The following PPP1R12B variants were observed in gnomAD, a reference collection of about 807,000 sequenced individuals.
PPP1R12B encodes the protein myosin phosphatase target subunit 2.
Under a neutral mutation model 126.1 loss-of-function variants are expected in PPP1R12B, and 76 were observed. The observed-to-expected ratio is 0.60, with a 90% CI of 0.50 to 0.73. The LOEUF is 0.73. Ranked by LOEUF, PPP1R12B falls within the 30% of genes least tolerant of loss-of-function variation. PPP1R12B has a pLI of 0.00. For missense variants in PPP1R12B, 1,052 were observed against 1,205.1 expected (o/e 0.87, Z 1.88); for synonymous variants, 356 against 434.7 (o/e 0.82, Z 2.25).
chr1:202,562,605 C>G (rs1687637312), intron 19 of PPP1R12B, 173 bp from the exon 20 acceptor site: 1 of 811,946 alleles, frequency 1.2e-6, no homozygotes, highest in South Asian at 1.3e-5. Context: ...GCAGTTTAGC[C>G]CTGAGGTCTG....
chr1:202,554,421 C>G (rs1302341456), intron 18 of PPP1R12B, among the ~76,000 whole-genome samples: 2 of 152,124 alleles, frequency 1.3e-5, no homozygotes, highest in Admixed American at 1.3e-4. Flanking sequence ...GTTACTCCTA[C>G]TGCATCCAAA....
intron 20 of PPP1R12B, among the ~76,000 whole-genome samples, chr1:202,563,641 A>AG (rs1427207753): frequency 5.3e-4 from 80 of 151,896 alleles, no homozygotes; most frequent in Admixed American, 3.9e-4. Flanking sequence ...AAAAAAAAAA[A>AG]AAAGAAAAGA....
chr1:202,531,755 A>G (rs993521535), intron 18 of PPP1R12B, among the ~76,000 whole-genome samples: 6 of 152,140 alleles, frequency 3.9e-5, no homozygotes, highest in African/African-American at 1.4e-4. Flanking sequence ...AACCTACCAA[A>G]AAATTGATTT....
intron 1 of PPP1R12B, among the ~76,000 whole-genome samples, chr1:202,366,763 G>C (rs183271054): frequency 7.5e-4 from 114 of 152,174 alleles, no homozygotes; most frequent in African/African-American, 2.6e-3. Flanking sequence ...GGTGCTATTA[G>C]AGCAAATTAA....
intron 13 of PPP1R12B, among the ~76,000 whole-genome samples, chr1:202,487,969 T>C (rs974992715): frequency 1.7e-4 from 26 of 152,164 alleles, no homozygotes; most frequent in Non-Finnish European, 3.4e-4. Context: ...ATAAATACTA[T>C]TTTTTCCTAT....
chr1:202,432,510 A>G (rs1186508968), intron 8 of PPP1R12B, among the ~76,000 whole-genome samples: 94 of 152,176 alleles, frequency 6.2e-4, no homozygotes, highest in African/African-American at 2.1e-3. Context: ...CAAGTGATCC[A>G]CCTGCCTTGG....
chr1:202,567,910 A>G (rs1688212882), intron 22 of PPP1R12B, 79 bp downstream of exon 22: 5 of 1,522,808 alleles, frequency 3.3e-6, no homozygotes, highest in East Asian at 2.3e-5. Flanking sequence ...ATTCATGCCA[A>G]TGGAAAAAGT....
intron 1 of PPP1R12B, among the ~76,000 whole-genome samples, chr1:202,361,651 C>T (rs1358384511): frequency 6.6e-6 from 1 of 152,090 alleles, no homozygotes; most frequent in Non-Finnish European, 1.5e-5. Context: ...AAATATTGTT[C>T]AGAATTCCAG....
chr1:202,585,917 A>G lies in PPP1R12B; in HGVS notation c.*5357A>G, dbSNP rs1447262217. On this transcript the variant is annotated 3_prime_UTR_variant, in exon 24 of 24. Coordinates refer to ENST00000608999, the MANE Select transcript of PPP1R12B (RefSeq NM_002481.4). ...TAGGTTTCCTCAACCACCTTTCCTC[A>G]GCTTTCTTAAAATGGGATCTACATT... is the stretch of plus-strand genomic sequence containing the variant. 6.6e-6 allele frequency: 1 copy of G among 152,226 alleles called. No homozygotes were observed. Among genetic ancestry groups the G allele is most frequent in the Non-Finnish European group, 1.5e-5 (1 of 68,040 alleles). The allele number at this position is 152,226 out of a possible 1,614,324, so 9.4% of individuals were successfully genotyped here. A position where few individuals can be genotyped will look rare whatever the true frequency, so the allele number is the denominator to read the frequency against.
intron 23 of PPP1R12B, among the ~76,000 whole-genome samples, chr1:202,579,609 A>G (rs1378549734): frequency 1.3e-5 from 2 of 152,140 alleles, no homozygotes; most frequent in African/African-American, 4.8e-5. Context: ...ACTTGAGGCT[A>G]TTTTTCCTTT....
chr1:202,462,885 TG>T (rs1674497875), intron 13 of PPP1R12B: 1 of 985,234 alleles, frequency 1.0e-6, no homozygotes, highest in African/African-American at 1.7e-5. Context: ...TAGCTTGACC[TG>T]CTTTCACCTG....
At chr1:202,500,915 G>A (rs1011336098) in intron 18 of PPP1R12B, among the ~76,000 whole-genome samples, 6 of 152,172 alleles carry the variant, frequency 3.9e-5, no homozygotes, top group African/African-American at 1.4e-4. Context: ...CTATGCTGGG[G>A]ACAGCAAGGA....
At chr1:202,541,839 C>G (rs1387626956) in intron 18 of PPP1R12B, among the ~76,000 whole-genome samples, 1 of 152,182 alleles carries the variant, frequency 6.6e-6, no homozygotes, top group Non-Finnish European at 1.5e-5. Context: ...TTCACCACCC[C>G]TCATCCCTGC....
At chr1:202,397,470 T>C (rs1356920312) in intron 1 of PPP1R12B, among the ~76,000 whole-genome samples, 1 of 152,220 alleles carries the variant, frequency 6.6e-6, no homozygotes, top group Non-Finnish European at 1.5e-5. Flanking sequence ...TGCCAGGTCT[T>C]GTCCACATGC....
At chr1:202,577,111 A>G (rs966520362) in intron 23 of PPP1R12B, 8 of 152,336 alleles carry the variant, frequency 5.3e-5, no homozygotes, top group Middle Eastern at 3.4e-3. Flanking sequence ...TTCCTTGTCA[A>G]AGCCTAACTT....
intron 13 of PPP1R12B, among the ~76,000 whole-genome samples, chr1:202,454,582 A>G (rs192392937): frequency 2.2e-4 from 34 of 152,346 alleles, no homozygotes; most frequent in Non-Finnish European, 3.2e-4. Flanking sequence ...TTTGTGTAAT[A>G]TAAAGAAGTA....
chr1:202,546,474 C>T (rs1159353924), intron 18 of PPP1R12B, among the ~76,000 whole-genome samples: 9 of 152,048 alleles, frequency 5.9e-5, no homozygotes, highest in South Asian at 2.1e-4. Flanking sequence ...TATTGTGGCA[C>T]GTGCCTATAC....
intron 14 of PPP1R12B, among the ~76,000 whole-genome samples, chr1:202,492,519 G>A (rs1679010633): frequency 6.6e-6 from 1 of 152,086 alleles, no homozygotes; most frequent in Admixed American, 6.6e-5. Context: ...TCATTTGCCT[G>A]TCTTCTCTCT....
intron 13 of PPP1R12B, among the ~76,000 whole-genome samples, chr1:202,476,414 G>A (rs979521851): frequency 1.3e-5 from 2 of 151,174 alleles, no homozygotes; most frequent in African/African-American, 4.9e-5. Flanking sequence ...CCAGGCTGTG[G>A]TGGCTTACCC....
Sources: gnomAD v4.1 joint callset for allele counts (sites outside exome capture counted in the v4.1 genomes callset) on GRCh38, gnomAD v4.1.1 for gene constraint, MANE v1.5 for transcripts, NCBI Gene and HGNC (gene_info 2026-07-23, HGNC 2026-07-21) for gene names.